ARMCX4: variants seen among roughly 807,000 people sequenced by gnomAD.
The protein encoded by ARMCX4 is armadillo repeat-containing X-linked protein 4.
In ARMCX4, 3 loss-of-function variants were observed where a neutral mutation model predicts 34.7. The observed-to-expected ratio is 0.09, with a 90% CI of 0.04 to 0.22. ARMCX4 has a LOEUF of 0.22. ARMCX4 is among the 10% of genes least tolerant of loss of function. The pLI is 1.00. For missense variants in ARMCX4, 1,448 were observed against 1,720.8 expected, an observed-to-expected ratio of 0.84 and a Z score of 2.81; for synonymous variants, 513 against 632.8, an observed-to-expected ratio of 0.81 and a Z score of 2.84.
At chrX:101,425,535 A>C (rs1317696665) in intron 2 of ARMCX4, among the ~76,000 whole-genome samples, 1 of 109,415 alleles carries the variant, frequency 9.1e-6, no homozygotes, top group African/African-American at 3.3e-5. Context: ...CTGGGATTAC[A>C]GGCGCACACC....
exon 13 of ARMCX4, chrX:101,533,386 A>AATTGCTT (rs1454846710): frequency 1.8e-5 from 2 of 110,403 alleles, no homozygotes; most frequent in Non-Finnish European, 3.8e-5. Flanking sequence ...GGTGCCACAA[A>AATTGCTT]ATTGCTTGTT....
chrX:101,421,706 G>A (rs1389327263), intron 2 of ARMCX4, among the ~76,000 whole-genome samples: 1 of 110,372 alleles, frequency 9.1e-6, no homozygotes, highest in Non-Finnish European at 1.9e-5. Context: ...CAGAAAGAAG[G>A]GCCAAGAGAT....
chrX:101,450,767 T>C (rs1931931446), downstream of ARMCX4, among the ~76,000 whole-genome samples: 1 of 111,687 alleles, frequency 9.0e-6, no homozygotes, highest in Admixed American at 9.5e-5. Context: ...CCAGGGCTCT[T>C]CAGTCAGCAG....
downstream of ARMCX4, among the ~76,000 whole-genome samples, chrX:101,450,139 C>CA (rs1931899337): frequency 8.9e-6 from 1 of 112,406 alleles, no homozygotes; most frequent in Non-Finnish European, 1.9e-5. Context: ...CACCTGTGGC[C>CA]AGCACCACTG....
At chrX:101,510,773 A>G (rs1239801697) in intron 10 of ARMCX4, among the ~76,000 whole-genome samples, 1 of 111,116 alleles carries the variant, frequency 9.0e-6, no homozygotes, top group African/African-American at 3.3e-5. Flanking sequence ...TGTAATTTTA[A>G]TGGGATTTTT....
intron 2 of ARMCX4, among the ~76,000 whole-genome samples, chrX:101,420,100 C>T (rs1211328217): frequency 7.1e-5 from 8 of 112,189 alleles, no homozygotes; most frequent in African/African-American, 2.3e-4. Context: ...CAGTGGCTCA[C>T]GCCTGTAATC....
rs1556010145 is a variant in ARMCX4, at chrX:101,493,002, C to T, written c.4413C>T (p.Gly1471=). Residue 1471 remains glycine, a synonymous_variant, in exon 6 of 6, where the codon GGC becomes GGT. Transcript: ENST00000423738. Reference sequence around the variant, plus strand: ...CTATATTTGAGGATCAGGTCAGTGGCAGAGGGTCCTGGGCTGATGCCAGGG... The same window carrying T: ...CTATATTTGAGGATCAGGTCAGTGGTAGAGGGTCCTGGGCTGATGCCAGGG... ...PKPIFEDQVS[G]RGSWADAREQ... is the part of the protein sequence containing the mutation. 8.7e-7 allele frequency: 1 copy of T among 1,153,782 alleles called. No homozygotes were observed. The highest frequency in any genetic ancestry group is 2.6e-5 in the Admixed American group (1 of 38,648).
chrX:101,507,348 C>T (rs1307416100), intron 8 of ARMCX4, among the ~76,000 whole-genome samples: 2 of 111,695 alleles, frequency 1.8e-5, no homozygotes, highest in Non-Finnish European at 3.8e-5. Context: ...TGGCATATCT[C>T]ATAAGATTTC....
intron 4 of ARMCX4, among the ~76,000 whole-genome samples, chrX:101,453,690 A>T (rs5951323): frequency 0.49 from 53,303 of 108,876 alleles, 10,620 homozygotes; most frequent in Non-Finnish European, 0.62. Context: ...CCTCTACACC[A>T]GAACTCTGCT....
At chrX:101,423,770 G>C in intron 2 of ARMCX4, among the ~76,000 whole-genome samples, 1 of 111,971 alleles carries the variant, frequency 8.9e-6, no homozygotes, top group Middle Eastern at 4.6e-3. Context: ...CCCAGCCTCT[G>C]GGGAAGGGAG....
At position 101,437,646 on chromosome X, in the gene ARMCX4, T is replaced by C. The variant is rs782021055; in HGVS notation, n.165-6406T>C. Among the ~76,000 whole-genome samples, 11 of 111,719 alleles carry C rather than the reference T, an allele frequency of 9.8e-5. No individual in the cohort carries two copies. The South Asian group carries it at 3.7e-3, about 38-fold the overall frequency. On this transcript the variant is annotated intron_variant and non_coding_transcript_variant, in intron 2 of 3. Coordinates refer to the ARMCX4 transcript ENST00000430461. ...AAGGGTTTTTGTGTCTCTATTTCCT[T>C]CAGTTCTGCTCTGATCTTAGTTATT...
At chrX:101,527,657 C>T (rs1463431500) in intron 11 of ARMCX4, among the ~76,000 whole-genome samples, 3 of 111,142 alleles carry the variant, frequency 2.7e-5, no homozygotes, top group East Asian at 2.8e-4. Context: ...ATATCACCAC[C>T]GATCCCACAG....
Position 101,493,329 on chromosome X carries a change from C to T in ARMCX4, c.4740C>T (p.Ala1580=). 41 of 1,154,361 alleles carry T rather than the reference C, an allele frequency of 3.6e-5. No individual in the cohort carries two copies. Among genetic ancestry groups the T allele is most frequent in the Non-Finnish European group, 4.7e-5 (41 of 872,292 alleles). Residue 1580 remains alanine, a synonymous_variant, in exon 6 of 6, where the codon GCC becomes GCT. Coordinates refer to ENST00000423738, the MANE Select transcript of ARMCX4 (RefSeq NM_001256155.3). ...CCAAACCTGGATTTGAGGATCAGGC[C>T]ATTGGAGGGGGGTTCTGGCCTGGTG... ...GCSKPGFEDQ[A]IGGGFWPGAG...
rs1556008719 is a variant in ARMCX4 at position 101,490,921 on chromosome X, G to A, written c.2332G>A (p.Ala778Thr). 1 of 1,154,757 alleles carries A rather than the reference G, an allele frequency of 8.7e-7. No individual in the cohort carries two copies. Among genetic ancestry groups the A allele is most frequent in the East Asian group, 3.3e-5 (1 of 30,695 alleles). ...GGCCAATCTTAATGCTGTGTCTAAG[G>A]CAGAAGCTGGGATGGGTGCAACAGG... ...VKANLNAVSKAEAGMGATGSV... is the reference protein window; with the variant it reads ...VKANLNAVSKTEAGMGATGSV... Residue 778 changes from alanine (A) to threonine (T), a missense_variant, in exon 6 of 6, where the codon GCA becomes ACA. Coordinates refer to ENST00000423738, the MANE Select transcript of ARMCX4 (RefSeq NM_001256155.3).
chrX:101,494,257 G>C lies in ARMCX4; in HGVS notation c.5668G>C (p.Glu1890Gln), dbSNP rs1356924525. ...TGTGGGAGAGGATGAGCTAAGTAGA[G>C]AGTCCAGCCCTGATATTGAGGAGAT... The part of the protein sequence containing the change: ...RNVGEDELSR[E>Q]SSPDIEEISL... The change falls in exon 6 of 6, where the codon GAG becomes CAG. Residue 1890 changes from glutamate (E) to glutamine (Q), a missense_variant. Coordinates refer to ENST00000423738, the MANE Select transcript of ARMCX4 (RefSeq NM_001256155.3). The C allele has an allele frequency of 8.7e-7, 1 of 1,155,060 alleles. No individual in the cohort carries two copies. Among genetic ancestry groups the C allele is most frequent in the Admixed American group, 2.6e-5 (1 of 38,689 alleles).
intron 11 of ARMCX4, among the ~76,000 whole-genome samples, chrX:101,512,807 C>CAT (rs1556016670): frequency 2.2e-5 from 2 of 90,642 alleles, no homozygotes; most frequent in Non-Finnish European, 4.2e-5. Flanking sequence ...CATATATACA[C>CAT]ATATATACAC....
At chrX:101,477,430 C>CAAA (rs1156582627) in intron 4 of ARMCX4, among the ~76,000 whole-genome samples, 1,241 of 12,494 alleles carry the variant, frequency 0.099, 445 homozygotes, top group East Asian at 0.36. Context: ...GACTCTGTCT[C>CAAA]AAAAAAAAAA....
chrX:101,533,822 A>G (rs1556022758), downstream of ARMCX4, among the ~76,000 whole-genome samples: 1 of 111,786 alleles, frequency 8.9e-6, no homozygotes, highest in African/African-American at 3.2e-5. Flanking sequence ...ATTATTTAAC[A>G]TTGTTCTAGA....
chrX:101,528,028 C>CA (rs1376644333), intron 11 of ARMCX4, among the ~76,000 whole-genome samples: 1 of 111,167 alleles, frequency 9.0e-6, no homozygotes, highest in Non-Finnish European at 1.9e-5. Context: ...GACACACACA[C>CA]AAAAAAGAGA....
Sources: allele counts gnomAD v4.1 joint callset (sites outside exome capture counted in the v4.1 genomes callset), GRCh38; gene constraint gnomAD v4.1.1; transcripts MANE v1.5; gene names NCBI Gene and HGNC (gene_info 2026-07-23, HGNC 2026-07-21).